NEK9: variants seen among roughly 807,000 people sequenced by gnomAD.
NEK9 encodes the protein NIMA related kinase 9, also known as serine/threonine-protein kinase Nek9.
NEK9 carries 75 observed loss-of-function variants against 123.4 expected under a neutral mutation model. The ratio of observed to expected loss-of-function variants is 0.61; its 90% CI spans 0.50 to 0.74. NEK9 has a LOEUF of 0.74. NEK9 is among the 30% of genes least tolerant of loss of function. NEK9 has a pLI of 0.00. For missense variants in NEK9, 952 were observed against 1,214.4 expected (o/e 0.78, Z 3.21); for synonymous variants, 438 against 458.7 (o/e 0.95, Z 0.58).
chr14:75,104,122 C>T, intron 13 of NEK9, 125 bp from the exon 14 acceptor site: 1 of 954,262 alleles, frequency 1.0e-6, no homozygotes, highest in African/African-American at 1.7e-5. Flanking sequence ...GTGAGGACTG[C>T]TCTATTCTTT....
chr14:75,121,048 T>G, intron 3 of NEK9, 71 bp downstream of exon 3: 1 of 1,225,746 alleles, frequency 8.2e-7, no homozygotes, highest in African/African-American at 1.5e-5. Flanking sequence ...ATTGGAAGAG[T>G]AAATACAGAA....
rs1267635552 is a variant in NEK9 at position 75,081,317 on chromosome 14, CAATT to C, written c.*3243_*3246del. The C allele has an allele frequency of 6.6e-6, 1 of 152,176 alleles. No individual in the cohort carries two copies. The highest frequency in any genetic ancestry group is 1.5e-5 in the Non-Finnish European group (1 of 68,054). 9.4% of individuals were successfully genotyped at this position (152,176 alleles called of 1,614,324 possible). On this transcript the variant is annotated 3_prime_UTR_variant, in exon 22 of 22. Coordinates refer to ENST00000238616, the MANE Select transcript of NEK9 (RefSeq NM_033116.6). This position sits in a 1 kb window ranked among gnomAD's most constrained non-coding sequence, Gnocchi z 4.2. ...TCTGGCCAATGTTTGCTTTCATTAT[CAATT>C]TATCACTCTCCACAGCTACACAGGT...
intron 10 of NEK9, among the ~76,000 whole-genome samples, chr14:75,108,516 T>TGTGC (rs1355907623): frequency 0.17 from 541 of 3,168 alleles, 4 homozygotes; most frequent in African/African-American, 0.21. Flanking sequence ...TGCGTGTGCG[T>TGTGC]GTGTGTGTGT....
intron 1 of NEK9, among the ~76,000 whole-genome samples, chr14:75,124,860 TCCTGG>T (rs1472097750): frequency 2.7e-5 from 4 of 150,186 alleles, no homozygotes; most frequent in African/African-American, 9.8e-5. Flanking sequence ...AGCTTTGAAC[TCCTGG>T]GCTGAAGCAA....
At chr14:75,103,396 T>C (rs1894656549) in intron 14 of NEK9, among the ~76,000 whole-genome samples, 1 of 152,348 alleles carries the variant, frequency 6.6e-6, no homozygotes, top group Admixed American at 6.5e-5. Context: ...TGCTTGTTCC[T>C]ATTTCAATAA....
rs750601623 is a variant in NEK9, at chr14:75,126,815, T to G, written c.107A>C (p.Gln36Pro). 6.5e-7 allele frequency: 1 copy of G among 1,532,992 alleles called. No homozygotes were observed. The highest frequency in any genetic ancestry group is 8.8e-7 in the Non-Finnish European group (1 of 1,140,636). The allele number at this position is 1,532,992 out of a possible 1,614,324, so 95.0% of individuals were successfully genotyped here. The change falls in exon 1 of 22, where the codon CAG becomes CCG. Residue 36 changes from glutamine (Q) to proline (P), a missense_variant. Transcript: ENST00000238616. ...GDSSPGPSASQGPRAGGGAAE... is the reference protein window; with the variant it reads ...GDSSPGPSASPGPRAGGGAAE... ...CGCGCCGCCGCCGGCTCGCGGCCCC[T>G]GACTGGCGCTAGGCCCCGGACTCGA...
At chr14:75,112,452 C>T (rs767154393) in intron 8 of NEK9, among the ~76,000 whole-genome samples, 1 of 152,184 alleles carries the variant, frequency 6.6e-6, no homozygotes, top group African/African-American at 2.4e-5. Flanking sequence ...CAATAAAACT[C>T]GACTTCAAAT....
At position 75,084,530 on chromosome 14, in the gene NEK9, C is replaced by A; in HGVS notation, c.*34G>T. On this transcript the variant is annotated 3_prime_UTR_variant, in exon 22 of 22. Coordinates refer to ENST00000238616, the MANE Select transcript of NEK9 (RefSeq NM_033116.6). ...AAGTGTGCTGTGAAGTTCTTTGGGT[C>A]CCAGTCTCCTGGGGGCTCTACAGGC... The A allele has an allele frequency of 6.2e-7, 1 of 1,612,124 alleles. No individual in the cohort carries two copies. Among genetic ancestry groups the A allele is most frequent in the South Asian group, 1.1e-5 (1 of 90,980 alleles).
At chr14:75,090,277 CT>C (rs543579822) in intron 19 of NEK9, among the ~76,000 whole-genome samples, 3,528 of 118,786 alleles carry the variant, frequency 0.03, 59 homozygotes, top group African/African-American at 0.064. Flanking sequence ...CATGCTCGGT[CT>C]TTTTTTTTTT....
chr14:75,090,921 T>C (rs909789554), intron 19 of NEK9, among the ~76,000 whole-genome samples: 1 of 152,218 alleles, frequency 6.6e-6, no homozygotes, highest in African/African-American at 2.4e-5. Flanking sequence ...ATTTTCCTAT[T>C]GTAAGGCATT....
chr14:75,114,406 T>C, intron 6 of NEK9, 93 bp from the exon 7 acceptor site: 1 of 988,554 alleles, frequency 1.0e-6, no homozygotes, highest in Non-Finnish European at 1.6e-6. Context: ...TGACCATTAT[T>C]TAAAGAATTG....
chr14:75,124,354 T>A, intron 1 of NEK9, 131 bp from the exon 2 acceptor site: 2 of 680,958 alleles, frequency 2.9e-6, no homozygotes, highest in Non-Finnish European at 5.0e-6. Flanking sequence ...TTTTTCCTTT[T>A]AACAGACTTT....
Position 75,107,380 on chromosome 14 carries a change from C to T in NEK9, c.1290G>A (p.Gln430=), listed in dbSNP as rs773605644. 3.0e-5 allele frequency: 48 copies of T among 1,613,892 alleles called. No homozygotes were observed. The highest frequency in any genetic ancestry group is 4.0e-5 in the Non-Finnish European group (47 of 1,179,982). Residue 430 remains glutamine, a synonymous_variant, in exon 11 of 22, where the codon CAG becomes CAA. Transcript: ENST00000238616. ...CAGTGAAATCATCACCACATGACAC[C>T]TGACGGATAGCTTTGCCTTGCAACT... ...VEKLQGKAIR[Q]VSCGDDFTVC... is the part of the protein sequence containing the mutation.
intron 1 of NEK9, among the ~76,000 whole-genome samples, chr14:75,126,141 T>TA (rs1405343399): frequency 6.6e-6 from 1 of 152,144 alleles, no homozygotes; most frequent in Non-Finnish European, 1.5e-5. Flanking sequence ...TAAACACTGA[T>TA]AAAGAACCAA....
chr14:75,108,125 C>CTTT (rs528274966), intron 10 of NEK9, among the ~76,000 whole-genome samples: 2 of 141,990 alleles, frequency 1.4e-5, no homozygotes, highest in Non-Finnish European at 1.6e-5. Context: ...GACTTTTCAA[C>CTTT]TTTTTTTTTT....
intron 19 of NEK9, among the ~76,000 whole-genome samples, chr14:75,089,952 C>T (rs1487168922): frequency 1.3e-5 from 2 of 152,184 alleles, no homozygotes; most frequent in South Asian, 2.1e-4. Context: ...CCGCCTCAGC[C>T]TCCCAAAGTG....
chr14:75,124,461 G>A (rs2139814714), intron 1 of NEK9, among the ~76,000 whole-genome samples: 1 of 152,296 alleles, frequency 6.6e-6, no homozygotes, highest in Middle Eastern at 3.4e-3. Flanking sequence ...CATGATGTCA[G>A]TTCCAGGTAA....
chr14:75,109,471 A>G (rs1406123579), intron 10 of NEK9, among the ~76,000 whole-genome samples: 1 of 152,142 alleles, frequency 6.6e-6, no homozygotes. Flanking sequence ...CATTCATTCA[A>G]AAAACATTTA....
intron 12 of NEK9, 46 bp downstream of exon 12, chr14:75,106,456 G>A: frequency 6.3e-7 from 1 of 1,591,262 alleles, no homozygotes; most frequent in Non-Finnish European, 8.6e-7. Flanking sequence ...TTTGAAGTCA[G>A]GTTGTATACC....
Sources: gnomAD v4.1 joint callset for allele counts (sites outside exome capture counted in the v4.1 genomes callset) on GRCh38, gnomAD v4.1.1 for gene constraint, Gnocchi (gnomAD v3.1) non-coding constraint, MANE v1.5 for transcripts, NCBI Gene and HGNC (gene_info 2026-07-23, HGNC 2026-07-21) for gene names.